The following GRIN1 variants were observed in gnomAD, a reference collection of about 807,000 sequenced individuals.
GRIN1 encodes glutamate ionotropic receptor NMDA type subunit 1, also known as glutamate receptor ionotropic, NMDA 1.
In GRIN1, 38 loss-of-function variants were observed where a neutral mutation model predicts 103.0. The observed-to-expected ratio is 0.37, with a 90% CI of 0.28 to 0.48. The LOEUF is 0.48. GRIN1 is among the 20% of genes least tolerant of loss of function. The pLI is 0.98. For synonymous variants in GRIN1, 544 were observed against 532.7 expected (o/e 1.02, Z -0.29); for missense variants, 577 against 1,288.9 (o/e 0.45, Z 8.46).
Position 137,163,595 on chromosome 9 carries a change from G to A in GRIN1, c.2370G>A (p.Lys790=). 1.2e-6 allele frequency: 2 copies of A among 1,613,600 alleles called. No individual in the cohort carries two copies. The highest frequency in any genetic ancestry group is 1.7e-6 in the Non-Finnish European group (2 of 1,179,854). Residue 790 remains lysine (K), a synonymous_variant, in exon 17 of 20, where the codon AAG becomes AAA. Coordinates refer to ENST00000371561, the MANE Select transcript of GRIN1 (RefSeq NM_007327.4). ...HENGFMEDLD[K]TWVRYQECDS... Reference sequence around the variant, plus strand: ...ATGGCTTCATGGAAGACCTGGACAAGACGTGGGTTCGGTATCAGGAATGTG... The same window carrying A: ...ATGGCTTCATGGAAGACCTGGACAAAACGTGGGTTCGGTATCAGGAATGTG...
In GRIN1 at chr9:137,161,188, C is replaced by G. The variant is rs1833517484; in HGVS notation, c.1330C>G (p.Pro444Ala). ...CTGCACCGGGCCCAACGACACGTCG[C>G]CGGGCAGCCGTGAGTGCGCGGGGCA... ...VICTGPNDTS[P>A]GSPRHTVPQC... Residue 444 changes from proline (P) to alanine (A), a missense_variant, in exon 9 of 20, where the codon CCG becomes GCG. Pro to Ala is a conservative substitution (Grantham distance 27). This residue lies in a region of GRIN1 where 96 missense variants were observed against 145.0 expected (regional missense o/e 0.66). Transcript: ENST00000371561. 11 of 1,609,216 alleles carry G rather than the reference C, an allele frequency of 6.8e-6. No homozygotes were observed. The highest frequency in any genetic ancestry group is 9.3e-6 in the Non-Finnish European group (11 of 1,178,614).
Position 137,162,308 on chromosome 9 carries a change from C to T in GRIN1, c.1751+18C>T. On this transcript the variant is annotated intron_variant, in intron 12 of 19. Transcript: ENST00000371561. ...CGCTTCAGGTGAGCGCGACCCGGGGCTCAGACACCTCCATCTGCGGGGCGC... is the reference window on the plus strand; with the variant it reads ...CGCTTCAGGTGAGCGCGACCCGGGGTTCAGACACCTCCATCTGCGGGGCGC... The T allele has an allele frequency of 3.2e-6, 5 of 1,546,508 alleles. No individual in the cohort carries two copies. The highest frequency in any genetic ancestry group is 4.4e-6 in the Non-Finnish European group (5 of 1,148,148).
At chr9:137,163,993 T>C in intron 18 of GRIN1, 89 bp downstream of exon 18, 1 of 1,454,588 alleles carries the variant, frequency 6.9e-7, no homozygotes, top group Non-Finnish European at 9.6e-7. Flanking sequence ...GCACTGGCTC[T>C]GGCTCTGGTG....
chr9:137,163,637 C>G lies in GRIN1; in HGVS notation c.2412C>G (p.Ala804=), dbSNP rs149053552. ...RYQECDSRSN[A]PATLTFENMA... Reference sequence around the variant, plus strand: ...AGGAATGTGACTCGCGCAGCAACGCCCCTGCGACCCTTACTTTTGAGAACA... The same window carrying G: ...AGGAATGTGACTCGCGCAGCAACGCGCCTGCGACCCTTACTTTTGAGAACA... The change falls in exon 17 of 20, where the codon GCC becomes GCG. Residue 804 remains alanine, a synonymous_variant. Coordinates refer to ENST00000371561, the MANE Select transcript of GRIN1 (RefSeq NM_007327.4). The G allele has an allele frequency of 6.6e-5, 107 of 1,613,584 alleles. No homozygotes were observed. The African/African-American group carries it at 1.3e-3, about 20-fold the overall frequency.
intron 4 of GRIN1, among the ~76,000 whole-genome samples, chr9:137,150,340 G>C (rs1213347381): frequency 6.8e-6 from 1 of 147,694 alleles, no homozygotes; most frequent in Non-Finnish European, 1.5e-5. Context: ...AAAAAGACCC[G>C]CCAAGGGAAA....
intron 10 of GRIN1, 65 bp from the exon 11 acceptor site, chr9:137,161,859 G>C (rs994256192): frequency 2.3e-4 from 342 of 1,519,112 alleles, no homozygotes; most frequent in Non-Finnish European, 2.9e-4. Context: ...GCTTCAGTCG[G>C]GGGTACCTGT....
chr9:137,144,367 C>A (rs1381936725), intron 2 of GRIN1, among the ~76,000 whole-genome samples: 2 of 147,682 alleles, frequency 1.4e-5, no homozygotes, highest in Non-Finnish European at 3.0e-5. Context: ...AAAGTGTCCC[C>A]AGGTTGGCCG....
Position 137,160,963 on chromosome 9 carries a change from G to C in GRIN1, c.1198-93G>C, listed in dbSNP as rs1346836178. 6 of 1,522,584 alleles carry C rather than the reference G, an allele frequency of 3.9e-6. No individual in the cohort carries two copies. In the South Asian group the frequency reaches 6.9e-5, roughly 17 times the overall value. 94.3% of individuals were successfully genotyped at this position (1,522,584 alleles called of 1,614,324 possible). A position where few individuals can be genotyped will look rare whatever the true frequency, so the allele number is the denominator to read the frequency against. On this transcript the variant is annotated intron_variant, in intron 8 of 19. Coordinates refer to ENST00000371561, the MANE Select transcript of GRIN1 (RefSeq NM_007327.4). ...GTGAGGGGTGCGTCGGGGATTAAGA[G>C]GGGCGCCAGGGGAGGCTGGGAGCTG...
chr9:137,156,146 A>G (rs1168495948), intron 4 of GRIN1, among the ~76,000 whole-genome samples: 3 of 152,220 alleles, frequency 2.0e-5, no homozygotes, highest in Admixed American at 2.0e-4. Context: ...AGATATTGTG[A>G]AAGTTAAACA....
At chr9:137,160,294 C>G (rs1833460308) in intron 8 of GRIN1, among the ~76,000 whole-genome samples, 1 of 152,234 alleles carries the variant, frequency 6.6e-6, no homozygotes. Flanking sequence ...TGTGCAGGTG[C>G]AGGGTCGGCT....
Position 137,142,165 on chromosome 9 carries a change from A to G in GRIN1, c.393+18A>G. ...CGGACAAGGTAAGCCTGACTGCCAG[A>G]CCAGGCCTTCCGGCCCTCGGCCCCA... On this transcript the variant is annotated intron_variant, in intron 2 of 19. Coordinates refer to ENST00000371561, the MANE Select transcript of GRIN1 (RefSeq NM_007327.4). The G allele has an allele frequency of 6.2e-7, 1 of 1,613,560 alleles. No homozygotes were observed. The highest frequency in any genetic ancestry group is 8.5e-7 in the Non-Finnish European group (1 of 1,179,922).
chr9:137,158,533 G>A lies in GRIN1; in HGVS notation c.1113+10G>A, dbSNP rs2131280113. 2 of 1,611,754 alleles carry A rather than the reference G, an allele frequency of 1.2e-6. No individual in the cohort carries two copies. Among genetic ancestry groups the A allele is most frequent in the African/African-American group, 2.7e-5 (2 of 75,006 alleles). The stretch of plus-strand genomic sequence containing the variant: ...CTACAATGGCACCCACGTAGGTGGG[G>A]GTCATGAGGGGGTGGGGGCTGGGGC... On this transcript the variant is annotated intron_variant, in intron 7 of 19. Coordinates refer to ENST00000371561, the MANE Select transcript of GRIN1 (RefSeq NM_007327.4).
At chr9:137,143,418 T>C (rs1254541082) in intron 2 of GRIN1, among the ~76,000 whole-genome samples, 1 of 152,238 alleles carries the variant, frequency 6.6e-6, no homozygotes, top group Non-Finnish European at 1.5e-5. Context: ...GGGGGTCTCA[T>C]TCCTGTGCCC....
At chr9:137,148,764 G>C (rs1265398367) in intron 3 of GRIN1, among the ~76,000 whole-genome samples, 1 of 152,246 alleles carries the variant, frequency 6.6e-6, no homozygotes, top group Non-Finnish European at 1.5e-5. Flanking sequence ...GATCCAGAGA[G>C]AGCAGAGAGA....
intron 10 of GRIN1, 100 bp downstream of exon 10, chr9:137,161,516 G>C: frequency 8.5e-7 from 1 of 1,173,286 alleles, no homozygotes; most frequent in South Asian, 1.3e-5. Flanking sequence ...AGATGGTGGG[G>C]GGTCCTGGGG....
rs546961067 is a variant in GRIN1 at position 137,146,140 on chromosome 9, G to A, written c.570+238G>A. Among the ~76,000 whole-genome samples, 1 of 152,122 alleles carries A rather than the reference G, an allele frequency of 6.6e-6. No homozygotes were observed. Among genetic ancestry groups the A allele is most frequent in the African/African-American group, 2.4e-5 (1 of 41,402 alleles). On this transcript the variant is annotated intron_variant, in intron 3 of 19. Coordinates refer to ENST00000371561, the MANE Select transcript of GRIN1 (RefSeq NM_007327.4). This position sits in a 1 kb window ranked among gnomAD's most constrained non-coding sequence, Gnocchi z 6.7. ...CGAGGGCCAGACCACCTGGAGCTCC[G>A]CAAACACCCCTGCCCCGCGCTGCCG...
At chr9:137,161,556 C>T in intron 10 of GRIN1, 140 bp downstream of exon 10, 2 of 349,724 alleles carry the variant, frequency 5.7e-6, no homozygotes, top group Non-Finnish European at 9.5e-6. Context: ...GCGGAGCCTG[C>T]GGGCTGGGTC....
At chr9:137,144,701 G>A (rs1213500389) in intron 2 of GRIN1, among the ~76,000 whole-genome samples, 1 of 146,588 alleles carries the variant, frequency 6.8e-6, no homozygotes, top group Non-Finnish European at 1.5e-5. Context: ...ACAGGAGGGG[G>A]TCCCAGGGTC....
At chr9:137,161,514 G>A in intron 10 of GRIN1, 98 bp downstream of exon 10, 2 of 1,182,682 alleles carry the variant, frequency 1.7e-6, no homozygotes, top group South Asian at 2.7e-5. Flanking sequence ...GCAGATGGTG[G>A]GGGGTCCTGG....
Sources: gnomAD v4.1 joint callset for allele counts (sites outside exome capture counted in the v4.1 genomes callset) on GRCh38, gnomAD v4.1.1 for gene constraint, gnomAD v4.1.1 regional missense constraint, Gnocchi (gnomAD v3.1) non-coding constraint, MANE v1.5 for transcripts, NCBI Gene and HGNC (gene_info 2026-07-23, HGNC 2026-07-21) for gene names.